Variants in LRMDA observed in about 807,000 individuals in gnomAD.
The protein encoded by LRMDA is leucine rich melanocyte differentiation associated.
LRMDA carries 18 observed loss-of-function variants against 29.8 expected under a neutral mutation model. The ratio of observed to expected loss-of-function variants is 0.60; its 90% CI spans 0.42 to 0.90. LRMDA has a LOEUF of 0.90. LRMDA is among the 40% of genes least tolerant of loss of function. The pLI, the probability that LRMDA is intolerant of heterozygous loss-of-function variation, is 0.00. For missense variants in LRMDA, 273 were observed against 273.9 expected, an observed-to-expected ratio of 1.00 and a Z score of 0.02; for synonymous variants, 125 against 109.4, an observed-to-expected ratio of 1.14 and a Z score of -0.89.
At chr10:75,487,219 C>T (rs1485418966) in intron 2 of LRMDA, among the ~76,000 whole-genome samples, 2 of 152,170 alleles carry the variant, frequency 1.3e-5, no homozygotes, top group Non-Finnish European at 2.9e-5. Context: ...CTCATCCAGC[C>T]TCCATATAAT....
intron 2 of LRMDA, among the ~76,000 whole-genome samples, chr10:75,960,236 T>G (rs1444567506): frequency 1.3e-5 from 2 of 152,238 alleles, no homozygotes; most frequent in African/African-American, 4.8e-5. Flanking sequence ...GAATAACTGA[T>G]TACTTCAAAT....
chr10:76,446,266 CTTAT>C (rs1842353290), intron 6 of LRMDA, among the ~76,000 whole-genome samples: 1 of 152,124 alleles, frequency 6.6e-6, no homozygotes, highest in Non-Finnish European at 1.5e-5. Flanking sequence ...TTTGATGCAG[CTTAT>C]TTATTCATTC....
chr10:76,299,248 ATTGAGGT>A (rs1304923253), intron 5 of LRMDA, among the ~76,000 whole-genome samples: 23 of 151,962 alleles, frequency 1.5e-4, no homozygotes, highest in Admixed American at 7.9e-4. Context: ...GTTCTGGGAT[ATTGAGGT>A]TTCTCAGGAG....
chr10:75,899,396 G>A (rs1392226631), intron 2 of LRMDA, among the ~76,000 whole-genome samples: 2 of 152,366 alleles, frequency 1.3e-5, no homozygotes, highest in South Asian at 4.1e-4. Flanking sequence ...AGACAGAGAT[G>A]TGCCCAGTGT....
intron 2 of LRMDA, among the ~76,000 whole-genome samples, chr10:75,559,695 A>G (rs1044834950): frequency 6.7e-6 from 1 of 149,674 alleles, no homozygotes; most frequent in Non-Finnish European, 1.5e-5. Context: ...AATCCATCTT[A>G]AATTAATTTT....
intron 2 of LRMDA, among the ~76,000 whole-genome samples, chr10:75,538,074 T>C (rs1008273547): frequency 1.2e-4 from 18 of 152,130 alleles, no homozygotes; most frequent in Non-Finnish European, 2.6e-4. Flanking sequence ...CAGTATACGG[T>C]TGGGGACTAT....
At chr10:75,471,496 T>C (rs1338584793) in intron 2 of LRMDA, among the ~76,000 whole-genome samples, 3 of 152,196 alleles carry the variant, frequency 2.0e-5, no homozygotes, top group Non-Finnish European at 4.4e-5. Flanking sequence ...CCTAAGGACC[T>C]ACAGCTCCTA....
intron 6 of LRMDA, among the ~76,000 whole-genome samples, chr10:76,427,231 A>G (rs1369838880): frequency 6.6e-6 from 1 of 151,840 alleles, no homozygotes; most frequent in East Asian, 1.9e-4. Context: ...CTTCCTATCC[A>G]TGAGCATGGA....
chr10:76,524,825 C>A (rs1449144840), intron 6 of LRMDA, among the ~76,000 whole-genome samples: 1 of 152,190 alleles, frequency 6.6e-6, no homozygotes, highest in African/African-American at 2.4e-5. Context: ...CACAGGAGAG[C>A]AATGGCTTCA....
intron 5 of LRMDA, among the ~76,000 whole-genome samples, chr10:76,264,984 C>A (rs1839989066): frequency 6.6e-6 from 1 of 152,172 alleles, no homozygotes. Context: ...AGTGAAGGAA[C>A]CTGTGGCAAT....
chr10:76,339,648 C>G (rs1245576556), intron 6 of LRMDA, among the ~76,000 whole-genome samples: 1 of 151,374 alleles, frequency 6.6e-6, no homozygotes, highest in African/African-American at 2.4e-5. Flanking sequence ...CCTAGCAGAT[C>G]AAAGTAAGAA....
At chr10:76,041,348 C>A (rs1848335323) in intron 3 of LRMDA, among the ~76,000 whole-genome samples, 1 of 152,130 alleles carries the variant, frequency 6.6e-6, no homozygotes, top group South Asian at 2.1e-4. Context: ...TCACTTTTTC[C>A]TCTAGAAATG....
At chr10:76,169,490 A>G (rs1243113441) in intron 5 of LRMDA, among the ~76,000 whole-genome samples, 1 of 152,102 alleles carries the variant, frequency 6.6e-6, no homozygotes, top group African/African-American at 2.4e-5. Flanking sequence ...GCAGATGGGA[A>G]GTTGGTATCA....
At chr10:75,886,365 T>C (rs903699245) in intron 2 of LRMDA, among the ~76,000 whole-genome samples, 3 of 152,234 alleles carry the variant, frequency 2.0e-5, no homozygotes, top group South Asian at 2.1e-4. Context: ...ACACCAGTCC[T>C]GTATGGTAGG....
At chr10:75,818,931 C>G (rs886629582) in intron 2 of LRMDA, among the ~76,000 whole-genome samples, 2 of 152,134 alleles carry the variant, frequency 1.3e-5, no homozygotes, top group African/African-American at 4.8e-5. Context: ...TTCCTTAATC[C>G]CAAGACCCCG....
intron 6 of LRMDA, among the ~76,000 whole-genome samples, chr10:76,549,044 A>G (rs894379548): frequency 1.3e-5 from 2 of 152,184 alleles, no homozygotes; most frequent in African/African-American, 4.8e-5. Flanking sequence ...CTGACAGATT[A>G]TATGACAGAC....
In LRMDA at chr10:75,614,443, C is replaced by T. The variant is rs550247430; in HGVS notation, c.131+175949C>T. On this transcript the variant is annotated intron_variant, in intron 2 of 6. Coordinates refer to ENST00000611255, the MANE Select transcript of LRMDA (RefSeq NM_001305581.2). ...GTTTTTTTCAGAGCTGCCTTGTCTG[C>T]ACAGTGCCTCAGAAAAGCCATTGTT... Among the ~76,000 whole-genome samples, 49 of 152,262 alleles carry T rather than the reference C, an allele frequency of 3.2e-4. 1 individual carries two copies. Among genetic ancestry groups the T allele is most frequent in the African/African-American group, 1.1e-3 (46 of 41,564 alleles).
At chr10:76,198,392 T>G (rs1447968653) in intron 5 of LRMDA, among the ~76,000 whole-genome samples, 5 of 152,232 alleles carry the variant, frequency 3.3e-5, no homozygotes, top group Non-Finnish European at 7.3e-5. Context: ...TGTTTTCTCT[T>G]GGCATTGTTT....
chr10:75,884,203 T>C (rs1179426853), intron 2 of LRMDA, among the ~76,000 whole-genome samples: 1 of 150,114 alleles, frequency 6.7e-6, no homozygotes, highest in Non-Finnish European at 1.5e-5. Context: ...CAATGAAAGC[T>C]CCCCTCCACT....
Sources: allele counts gnomAD v4.1 joint callset (sites outside exome capture counted in the v4.1 genomes callset), GRCh38; gene constraint gnomAD v4.1.1; transcripts MANE v1.5; gene names NCBI Gene and HGNC (gene_info 2026-07-23, HGNC 2026-07-21).